The following DCHS2 variants were observed in gnomAD, a reference collection of about 807,000 sequenced individuals.
The protein encoded by DCHS2 is dachsous cadherin-related 2.
Under a neutral mutation model 182.4 loss-of-function variants are expected in DCHS2, and 142 were observed. The observed-to-expected ratio is 0.78, with a 90% CI of 0.68 to 0.89. The LOEUF is 0.89. DCHS2 is among the 40% of genes least tolerant of loss of function. The probability of loss-of-function intolerance (pLI) is 0.00; values close to 1 mark genes in which losing one functional copy is unlikely to be tolerated. For synonymous variants in DCHS2, 1,740 were observed against 1,663.3 expected (o/e 1.05, Z -1.12); for missense variants, 4,319 against 4,198.6 (o/e 1.03, Z -0.79).
intron 1 of DCHS2, among the ~76,000 whole-genome samples, chr4:154,427,142 T>C (rs1733364432): frequency 1.3e-5 from 2 of 152,192 alleles, no homozygotes; most frequent in Non-Finnish European, 2.9e-5. Flanking sequence ...CATAAATACA[T>C]ACAATTATTA....
intron 1 of DCHS2, among the ~76,000 whole-genome samples, chr4:154,426,058 T>C (rs1359845685): frequency 2.0e-5 from 3 of 152,148 alleles, no homozygotes; most frequent in Admixed American, 6.5e-5. Context: ...TTGGCCTCTG[T>C]TTTTTTCTCA....
Position 154,334,852 on chromosome 4 carries a change from A to T in DCHS2, c.2713+16T>A. ...CAATAATGGAATTCCATGCAGCATA[A>T]GAAATAAGTACTTACTCAAGGGCTC... On this transcript the variant is annotated intron_variant, in intron 4 of 19. Transcript: ENST00000357232. 1 of 1,563,694 alleles carries T rather than the reference A, an allele frequency of 6.4e-7. No homozygotes were observed. Among genetic ancestry groups the T allele is most frequent in the Non-Finnish European group, 8.8e-7 (1 of 1,134,572 alleles).
intron 13 of DCHS2, among the ~76,000 whole-genome samples, chr4:154,292,125 A>G (rs942042551): frequency 2.6e-5 from 4 of 152,200 alleles, no homozygotes; most frequent in Non-Finnish European, 5.9e-5. Context: ...TTGAAATGTA[A>G]AAAAACAAAT....
intron 3 of DCHS2, among the ~76,000 whole-genome samples, chr4:154,342,344 G>A (rs189730146): frequency 0.036 from 5,456 of 152,258 alleles, 133 homozygotes; most frequent in Middle Eastern, 0.058. Context: ...GGCGGTGGCT[G>A]TGGCAATTTC....
chr4:154,288,206 C>T (rs1449920682), intron 13 of DCHS2, among the ~76,000 whole-genome samples: 1 of 151,910 alleles, frequency 6.6e-6, no homozygotes, highest in Non-Finnish European at 1.5e-5. Flanking sequence ...AAGAGACACA[C>T]AGACTGAAAA....
intron 10 of DCHS2, 73 bp downstream of exon 10, chr4:154,315,675 T>G (rs1735823833): frequency 1.2e-5 from 19 of 1,558,390 alleles, no homozygotes; most frequent in Non-Finnish European, 1.6e-5. Flanking sequence ...CCATAACTAT[T>G]ATAAATTACG....
intron 1 of DCHS2, among the ~76,000 whole-genome samples, chr4:154,419,650 CAAAAA>C (rs70947164): frequency 2.2e-5 from 1 of 44,914 alleles, no homozygotes; most frequent in Non-Finnish European, 3.7e-5. Flanking sequence ...AACTCCATCT[CAAAAA>C]AAAAAAAAAA....
At chr4:154,388,441 T>C (rs906527103) in intron 1 of DCHS2, among the ~76,000 whole-genome samples, 4 of 151,162 alleles carry the variant, frequency 2.6e-5, no homozygotes, top group Non-Finnish European at 5.9e-5. Context: ...GGGGAATAGG[T>C]GATTTTTTTT....
intron 14 of DCHS2, among the ~76,000 whole-genome samples, chr4:154,263,829 G>C (rs1733105937): frequency 6.6e-6 from 1 of 152,092 alleles, no homozygotes; most frequent in Non-Finnish European, 1.5e-5. Flanking sequence ...CAGCATCAAA[G>C]TCACCCATAT....
intron 1 of DCHS2, among the ~76,000 whole-genome samples, chr4:154,441,312 A>C (rs1024737059): frequency 3.3e-5 from 5 of 152,222 alleles, no homozygotes; most frequent in Non-Finnish European, 7.4e-5. Flanking sequence ...GAGAGCAAAA[A>C]AGATAACATT....
chr4:154,268,239 C>CGCA (rs1554000254), intron 14 of DCHS2, among the ~76,000 whole-genome samples: 5 of 148,600 alleles, frequency 3.4e-5, no homozygotes, highest in Admixed American at 6.7e-5. Flanking sequence ...TTCCCCCCCC[C>CGCA]AAAAAAATAA....
intron 3 of DCHS2, chr4:154,352,605 T>C (rs1729672547): frequency 6.6e-6 from 1 of 152,208 alleles, no homozygotes; most frequent in African/African-American, 2.4e-5. Flanking sequence ...CTGAAAGGAC[T>C]ACTAAAGGAA....
chr4:154,292,687 T>A (rs925759484), intron 13 of DCHS2, among the ~76,000 whole-genome samples: 2 of 152,192 alleles, frequency 1.3e-5, no homozygotes, highest in African/African-American at 4.8e-5. Flanking sequence ...CTTTCTCCCA[T>A]GTTCATACCT....
rs767863096 is a variant in DCHS2 at position 154,255,552 on chromosome 4, G to A, written c.6908C>T (p.Ala2303Val). Residue 2303 changes from alanine to valine, a missense_variant, in exon 16 of 20, where the codon GCG becomes GTG. Transcript: ENST00000357232. ...DALSGVITTK[A>V]ILDYELTSSY... ...GCTGGTGAGCTCGTAATCTAGAATC[G>A]CTTTTGTTGTTATCACACCACTCAG... 6.2e-6 allele frequency: 10 copies of A among 1,613,552 alleles called. No individual in the cohort carries two copies. Among genetic ancestry groups the A allele is most frequent in the Admixed American group, 1.7e-5 (1 of 59,952 alleles).
chr4:154,455,025 G>A (rs1259862345), intron 1 of DCHS2, among the ~76,000 whole-genome samples: 1 of 152,194 alleles, frequency 6.6e-6, no homozygotes, highest in Non-Finnish European at 1.5e-5. Flanking sequence ...AAAGAACTGT[G>A]TGAAGACAAA....
intron 3 of DCHS2, among the ~76,000 whole-genome samples, chr4:154,337,756 A>ATTC (rs1728879062): frequency 6.6e-6 from 1 of 151,738 alleles, no homozygotes; most frequent in South Asian, 2.1e-4. Context: ...TATTATTATT[A>ATTC]TTGAGATGAA....
At chr4:154,387,481 T>A (rs1260085538) in intron 1 of DCHS2, among the ~76,000 whole-genome samples, 1 of 152,076 alleles carries the variant, frequency 6.6e-6, no homozygotes, top group Non-Finnish European at 1.5e-5. Flanking sequence ...CTAGAAAAAT[T>A]GGCAAAGTAC....
chr4:154,370,770 T>G (rs563616722), intron 2 of DCHS2, among the ~76,000 whole-genome samples: 1 of 152,302 alleles, frequency 6.6e-6, no homozygotes, highest in South Asian at 2.1e-4. Context: ...CTCCAAGTAC[T>G]TCAGCTGCTG....
At chr4:154,481,517 A>G (rs1406920364) in intron 1 of DCHS2, among the ~76,000 whole-genome samples, 1 of 152,162 alleles carries the variant, frequency 6.6e-6, no homozygotes, top group East Asian at 1.9e-4. Context: ...TCAGCCTCCC[A>G]AAGTGCTGGG....
Sources: allele counts gnomAD v4.1 joint callset (sites outside exome capture counted in the v4.1 genomes callset), GRCh38; gene constraint gnomAD v4.1.1; transcripts MANE v1.5; gene names NCBI Gene and HGNC (gene_info 2026-07-23, HGNC 2026-07-21).